DNAH9: variants seen among roughly 807,000 people sequenced by gnomAD.
The protein encoded by DNAH9 is dynein axonemal heavy chain 9, also known as DNAH9 variant protein.
DNAH9 carries 345 observed loss-of-function variants against 471.6 expected under a neutral mutation model. That is an observed-to-expected ratio of 0.73 (90% CI 0.67 to 0.80). The LOEUF (loss-of-function observed/expected upper bound fraction) is 0.80, where lower values mean the gene tolerates loss of function less well. DNAH9 is among the 30% of genes least tolerant of loss of function. The pLI is 0.00. For missense variants in DNAH9, 5,407 were observed against 5,609.2 expected, an observed-to-expected ratio of 0.96 and a Z score of 1.15; for synonymous variants, 2,093 against 2,123.6, an observed-to-expected ratio of 0.99 and a Z score of 0.40.
chr17:11,737,038 A>C (rs771858507), intron 28 of DNAH9, among the ~76,000 whole-genome samples: 3 of 152,232 alleles, frequency 2.0e-5, no homozygotes, highest in Non-Finnish European at 4.4e-5. Context: ...AAGAGGCTCC[A>C]TGGCAGAGCT....
chr17:11,854,913 A>C (rs1420345725), intron 50 of DNAH9, among the ~76,000 whole-genome samples: 1 of 152,152 alleles, frequency 6.6e-6, no homozygotes, highest in African/African-American at 2.4e-5. Flanking sequence ...TAAATATAAA[A>C]CTGTGAGGGT....
At chr17:11,635,300 G>A (rs899682017) in intron 8 of DNAH9, among the ~76,000 whole-genome samples, 5 of 150,564 alleles carry the variant, frequency 3.3e-5, no homozygotes, top group Non-Finnish European at 5.9e-5. Flanking sequence ...TCGAGTAGCT[G>A]GGATTACAGG....
At chr17:11,627,622 TA>T (rs2072992527) in intron 6 of DNAH9, among the ~76,000 whole-genome samples, 1 of 152,182 alleles carries the variant, frequency 6.6e-6, no homozygotes, top group African/African-American at 2.4e-5. Context: ...AAGTTGAATC[TA>T]TTTTTGAAGA....
Position 11,664,866 on chromosome 17 carries a change from T to G in DNAH9, c.2629T>G (p.Ser877Ala). 1 of 1,613,372 alleles carries G rather than the reference T, an allele frequency of 6.2e-7. No individual in the cohort carries two copies. The highest frequency in any genetic ancestry group is 8.5e-7 in the Non-Finnish European group (1 of 1,179,362). The change falls in exon 15 of 69, where the codon TCC (serine) becomes GCC (alanine). Residue 877 changes from serine (S) to alanine (A), a missense_variant. Ser to Ala is a moderately conservative substitution (Grantham distance 99). Coordinates refer to ENST00000262442, the MANE Select transcript of DNAH9 (RefSeq NM_001372.4). ...GGGTCTATTTTCAGCAGACCCAACC[T>G]CCAATATCTGGAAGACTTATGTTAA... The part of the protein sequence containing the change: ...NLGLFSADPT[S>A]NIWKTYVNSI...
intron 55 of DNAH9, among the ~76,000 whole-genome samples, chr17:11,882,198 C>A (rs1446034275): frequency 1.3e-5 from 2 of 152,202 alleles, no homozygotes; most frequent in Non-Finnish European, 1.5e-5. Flanking sequence ...GGTGAGGCCT[C>A]TTTTCCTGCC....
At chr17:11,749,475 A>G (rs2150847689) in intron 32 of DNAH9, among the ~76,000 whole-genome samples, 1 of 152,094 alleles carries the variant, frequency 6.6e-6, no homozygotes, top group East Asian at 1.9e-4. Flanking sequence ...GTCTATAGAC[A>G]CTTTATTCTC....
At chr17:11,888,809 G>T (rs192767779) in intron 57 of DNAH9, among the ~76,000 whole-genome samples, 26 of 152,284 alleles carry the variant, frequency 1.7e-4, no homozygotes, top group South Asian at 1.7e-3. Flanking sequence ...CTTGGCTTTT[G>T]TCTGGGGTTG....
chr17:11,919,823 C>T (rs879935581), intron 61 of DNAH9, among the ~76,000 whole-genome samples: 1 of 151,834 alleles, frequency 6.6e-6, no homozygotes, highest in African/African-American at 2.4e-5. Flanking sequence ...TAGAAAAAAA[C>T]GAAGGGACCA....
intron 1 of DNAH9, among the ~76,000 whole-genome samples, chr17:11,600,342 A>C (rs2072359241): frequency 6.9e-6 from 1 of 144,784 alleles, no homozygotes; most frequent in South Asian, 2.2e-4. Flanking sequence ...GAATTTGTAT[A>C]AGTAGAGAGC....
chr17:11,880,325 G>A, intron 54 of DNAH9, 125 bp downstream of exon 54: 1 of 1,204,958 alleles, frequency 8.3e-7, no homozygotes, highest in Non-Finnish European at 1.1e-6. Context: ...GCTCCCTGCA[G>A]CACATCCACC....
chr17:11,894,239 C>A (rs1973154300), intron 58 of DNAH9, 135 bp from the exon 59 acceptor site: 1 of 1,123,652 alleles, frequency 8.9e-7, no homozygotes, highest in Non-Finnish European at 1.3e-6. Context: ...TCCACTCTAC[C>A]CTCATTAAAC....
chr17:11,914,182 T>C (rs1973870635), intron 61 of DNAH9, among the ~76,000 whole-genome samples: 1 of 152,234 alleles, frequency 6.6e-6, no homozygotes, highest in South Asian at 2.1e-4. Flanking sequence ...AATTTCAGTT[T>C]GCTTTATAGG....
At chr17:11,742,900 C>T (rs1354960353) in intron 30 of DNAH9, among the ~76,000 whole-genome samples, 1 of 152,328 alleles carries the variant, frequency 6.6e-6, no homozygotes, top group East Asian at 1.9e-4. Context: ...ATAAAACAGG[C>T]TCTCTCAGCC....
At chr17:11,884,677 A>T in intron 56 of DNAH9, 1 of 407,998 alleles carries the variant, frequency 2.5e-6, no homozygotes, top group South Asian at 1.8e-5. Flanking sequence ...GAGTGATGAG[A>T]TTGAAAGGAG....
intron 50 of DNAH9, among the ~76,000 whole-genome samples, chr17:11,867,186 A>G (rs1215701518): frequency 6.6e-6 from 1 of 152,076 alleles, no homozygotes; most frequent in South Asian, 2.1e-4. Context: ...CTTTTTTTAT[A>G]TGGTGTTTGG....
intron 52 of DNAH9, among the ~76,000 whole-genome samples, chr17:11,873,627 T>G (rs1026834412): frequency 2.0e-5 from 3 of 152,114 alleles, no homozygotes; most frequent in African/African-American, 7.2e-5. Flanking sequence ...TTATGCTAAG[T>G]GAAAGTAACC....
chr17:11,629,835 T>C (rs2073033815), intron 7 of DNAH9, among the ~76,000 whole-genome samples: 1 of 152,208 alleles, frequency 6.6e-6, no homozygotes, highest in Non-Finnish European at 1.5e-5. Context: ...TCCAGACTAA[T>C]GACACCAGGG....
intron 41 of DNAH9, among the ~76,000 whole-genome samples, chr17:11,787,091 G>T (rs1040362575): frequency 1.3e-5 from 2 of 152,200 alleles, no homozygotes; most frequent in Non-Finnish European, 2.9e-5. Flanking sequence ...GTGTTTAACT[G>T]ATCAAAGAAC....
chr17:11,657,171 A>G (rs2073667862), intron 14 of DNAH9, among the ~76,000 whole-genome samples: 1 of 152,130 alleles, frequency 6.6e-6, no homozygotes, highest in Admixed American at 6.5e-5. Flanking sequence ...TGTGTAGTTT[A>G]TACTCCCAGT....
Sources: allele counts gnomAD v4.1 joint callset (sites outside exome capture counted in the v4.1 genomes callset), GRCh38; gene constraint gnomAD v4.1.1; transcripts MANE v1.5; gene names NCBI Gene and HGNC (gene_info 2026-07-23, HGNC 2026-07-21).